Variants in PTPRD observed in about 807,000 individuals in gnomAD.
PTPRD encodes protein tyrosine phosphatase receptor type D, also known as receptor-type tyrosine-protein phosphatase delta.
PTPRD carries 34 observed loss-of-function variants against 214.5 expected under a neutral mutation model. That is an observed-to-expected ratio of 0.16 (90% confidence interval 0.12 to 0.21). PTPRD has a LOEUF of 0.21. Ranked by LOEUF, PTPRD falls within the 10% of genes least tolerant of loss-of-function variation. PTPRD has a pLI of 1.00. For synonymous variants in PTPRD, 1,128 were observed against 845.7 expected, an observed-to-expected ratio of 1.33 and a Z score of -5.79; for missense variants, 2,545 against 2,398.7, an observed-to-expected ratio of 1.06 and a Z score of -1.27.
chr9:9,563,368 C>G (rs1298971384), intron 8 of PTPRD, among the ~76,000 whole-genome samples: 1 of 152,072 alleles, frequency 6.6e-6, no homozygotes, highest in East Asian at 1.9e-4. Context: ...ACTCCAGTAT[C>G]TTTTTAATTA....
intron 7 of PTPRD, among the ~76,000 whole-genome samples, chr9:9,624,141 A>G (rs762917771): frequency 6.6e-6 from 1 of 152,214 alleles, no homozygotes; most frequent in Non-Finnish European, 1.5e-5. Flanking sequence ...TATTCCGAGT[A>G]GTGGATAAAG....
chr9:9,847,439 AT>A (rs907017195), intron 5 of PTPRD, among the ~76,000 whole-genome samples: 51 of 152,274 alleles, frequency 3.3e-4, no homozygotes, highest in African/African-American at 1.2e-3. Context: ...TTTCCGAGAA[AT>A]GACTTAAATG....
At chr9:10,430,877 G>C (rs12001774) in intron 2 of PTPRD, among the ~76,000 whole-genome samples, 4,457 of 151,930 alleles carry the variant, frequency 0.029, 234 homozygotes, top group African/African-American at 0.1. Flanking sequence ...AACACTTAGT[G>C]ATAAAGAAAA....
intron 3 of PTPRD, among the ~76,000 whole-genome samples, chr9:10,146,676 G>A (rs2099024830): frequency 6.6e-6 from 1 of 152,078 alleles, no homozygotes; most frequent in Admixed American, 6.6e-5. Context: ...ATTCAACTAG[G>A]TAGAGAAAAG....
chr9:9,754,282 A>G (rs377101164), intron 6 of PTPRD, among the ~76,000 whole-genome samples: 1 of 152,034 alleles, frequency 6.6e-6, no homozygotes, highest in Non-Finnish European at 1.5e-5. Context: ...ACAAATTCTT[A>G]CACGCCCCGT....
intron 10 of PTPRD, among the ~76,000 whole-genome samples, chr9:9,025,082 G>C (rs746382437): frequency 6.6e-6 from 1 of 152,058 alleles, no homozygotes; most frequent in South Asian, 2.1e-4. Context: ...TGTTTACATA[G>C]ATATATTTTT....
intron 10 of PTPRD, among the ~76,000 whole-genome samples, chr9:9,076,305 G>A (rs535950847): frequency 3.9e-5 from 6 of 152,148 alleles, no homozygotes; most frequent in Admixed American, 2.0e-4. Context: ...TTTGTCAGAC[G>A]GGGAGATTGC....
intron 2 of PTPRD, among the ~76,000 whole-genome samples, chr9:10,419,740 T>A (rs1195633788): frequency 6.6e-6 from 1 of 151,820 alleles, no homozygotes; most frequent in Non-Finnish European, 1.5e-5. Context: ...CTATGCCATT[T>A]TCTTGTTATT....
chr9:9,666,759 C>G (rs1451525391), intron 7 of PTPRD, among the ~76,000 whole-genome samples: 1 of 151,958 alleles, frequency 6.6e-6, no homozygotes, highest in African/African-American at 2.4e-5. Context: ...TCCACACATT[C>G]TAAAACTGAA....
chr9:9,711,352 C>A (rs923847059), intron 7 of PTPRD, among the ~76,000 whole-genome samples: 3 of 151,970 alleles, frequency 2.0e-5, no homozygotes, highest in Non-Finnish European at 4.4e-5. Context: ...CAAGAATCTA[C>A]CAACGATGAT....
chr9:9,078,205 C>T (rs567624344), intron 10 of PTPRD, among the ~76,000 whole-genome samples: 12 of 151,982 alleles, frequency 7.9e-5, no homozygotes, highest in South Asian at 4.2e-4. Context: ...ATTATGTAAA[C>T]GTCATTAATT....
rs556706528 is a variant in PTPRD, at chr9:8,931,835, T to C, written c.-104+86862A>G. On this transcript the variant is annotated intron_variant, in intron 11 of 45. Transcript: ENST00000381196. ...GGTAGGCTATTGACTACTGCCTCAA[T>C]TTCAGAACTTGTTATTGGCTTATTC... Among the ~76,000 whole-genome samples, 307 of 152,280 alleles carry C rather than the reference T, an allele frequency of 2.0e-3. 1 individual carries two copies. The highest frequency in any genetic ancestry group is 7.2e-3 in the African/African-American group (299 of 41,546).
At chr9:10,215,080 T>G (rs541807320) in intron 3 of PTPRD, among the ~76,000 whole-genome samples, 15 of 152,212 alleles carry the variant, frequency 9.9e-5, no homozygotes, top group African/African-American at 3.4e-4. Flanking sequence ...CTTCCCAAAA[T>G]GTTATCTTGC....
chr9:8,721,606 T>C (rs770370037), intron 12 of PTPRD, among the ~76,000 whole-genome samples: 2 of 152,214 alleles, frequency 1.3e-5, no homozygotes, highest in Non-Finnish European at 2.9e-5. Context: ...AATGTTTATT[T>C]AGCATTTACT....
At chr9:9,756,124 C>T (rs2098572504) in intron 6 of PTPRD, among the ~76,000 whole-genome samples, 1 of 152,012 alleles carries the variant, frequency 6.6e-6, no homozygotes, top group Non-Finnish European at 1.5e-5. Context: ...TCTTTCAACA[C>T]CTCTCTGTTC....
intron 3 of PTPRD, among the ~76,000 whole-genome samples, chr9:10,058,530 A>G (rs1429447605): frequency 6.6e-6 from 1 of 152,006 alleles, no homozygotes; most frequent in Admixed American, 6.6e-5. Context: ...TTTTGCCTCA[A>G]TTTCTTTCTT....
chr9:8,452,384 G>C (rs1001885631), intron 33 of PTPRD, among the ~76,000 whole-genome samples: 1 of 152,162 alleles, frequency 6.6e-6, no homozygotes, highest in African/African-American at 2.4e-5. Context: ...AAGATGAAGA[G>C]TTTGGTCATC....
rs181564877 is a variant in PTPRD, at chr9:8,629,069, T to C, written c.352+4248A>G. Among the ~76,000 whole-genome samples, 204 of 151,922 alleles carry C rather than the reference T, an allele frequency of 1.3e-3. 2 individuals are homozygous for C. Among genetic ancestry groups the C allele is most frequent in the African/African-American group, 4.8e-3 (198 of 41,502 alleles). The stretch of plus-strand genomic sequence containing the variant: ...AAGATTTTTTAAATGACCCATTACA[T>C]GCTGTTTGAGATAAGAGCAAAATAA... On this transcript the variant is annotated intron_variant, in intron 14 of 45. Coordinates refer to ENST00000381196, the MANE Select transcript of PTPRD (RefSeq NM_002839.4).
chr9:9,974,969 G>T (rs1255292944), intron 4 of PTPRD, among the ~76,000 whole-genome samples: 1 of 152,124 alleles, frequency 6.6e-6, no homozygotes, highest in East Asian at 1.9e-4. Context: ...AACTGGCGAA[G>T]AATCTGAAAA....
Sources: gnomAD v4.1 joint callset for allele counts (sites outside exome capture counted in the v4.1 genomes callset) on GRCh38, gnomAD v4.1.1 for gene constraint, MANE v1.5 for transcripts, NCBI Gene and HGNC (gene_info 2026-07-23, HGNC 2026-07-21) for gene names.